ANKH: variants seen among roughly 807,000 people sequenced by gnomAD.
ANKH encodes ANKH inorganic pyrophosphate transport regulator, also known as mineralization regulator ANKH.
A neutral mutation model predicts 49.0 loss-of-function variants in ANKH; 15 were observed. The ratio of observed to expected loss-of-function variants is 0.31; its 90% confidence interval spans 0.20 to 0.47. The LOEUF (loss-of-function observed/expected upper bound fraction) is 0.47, where lower values mean the gene tolerates loss of function less well. ANKH is among the 20% of genes least tolerant of loss of function. The probability of loss-of-function intolerance (pLI) is 1.00; values close to 1 mark genes in which losing one functional copy is unlikely to be tolerated. For missense variants in ANKH, 429 were observed against 652.0 expected, an observed-to-expected ratio of 0.66 and a Z score of 3.72; for synonymous variants, 273 against 260.0, an observed-to-expected ratio of 1.05 and a Z score of -0.48.
chr5:14,729,272 C>T (rs1394690358), intron 8 of ANKH, among the ~76,000 whole-genome samples: 4 of 151,972 alleles, frequency 2.6e-5, no homozygotes, highest in Non-Finnish European at 4.4e-5. Context: ...AGGCTGGTCT[C>T]GAACTCCCGA....
At chr5:14,743,571 C>T (rs943525926) in intron 7 of ANKH, among the ~76,000 whole-genome samples, 2 of 152,184 alleles carry the variant, frequency 1.3e-5, no homozygotes, top group African/African-American at 4.8e-5. Context: ...AGCTAGAACT[C>T]CCGGAAGGTA....
intron 1 of ANKH, among the ~76,000 whole-genome samples, chr5:14,785,993 C>T (rs1053173560): frequency 3.4e-5 from 5 of 147,160 alleles, no homozygotes; most frequent in African/African-American, 1.3e-4. Flanking sequence ...TTGCAGTGAG[C>T]CGAGATCACG....
chr5:14,757,431 T>TA (rs1491137786), intron 3 of ANKH, among the ~76,000 whole-genome samples: 45,107 of 103,168 alleles, frequency 0.44, 8,948 homozygotes, highest in African/African-American at 0.56. Context: ...TATATATATA[T>TA]TTTTTTTTTT....
At chr5:14,792,119 C>T (rs1740188164) in intron 1 of ANKH, among the ~76,000 whole-genome samples, 1 of 152,136 alleles carries the variant, frequency 6.6e-6, no homozygotes, top group Non-Finnish European at 1.5e-5. Flanking sequence ...AGTGCCAGAG[C>T]TCAGCCTGCT....
chr5:14,750,010 C>G (rs775226667), intron 5 of ANKH, among the ~76,000 whole-genome samples: 1 of 152,144 alleles, frequency 6.6e-6, no homozygotes, highest in Non-Finnish European at 1.5e-5. Flanking sequence ...TTGCTGGTGG[C>G]TAAATGTTAA....
At chr5:14,808,428 T>G (rs758190183) in intron 1 of ANKH, among the ~76,000 whole-genome samples, 1 of 152,176 alleles carries the variant, frequency 6.6e-6, no homozygotes, top group African/African-American at 2.4e-5. Context: ...TCCTACTCAT[T>G]CTCATCACTT....
chr5:14,828,680 T>C (rs1314183439), intron 1 of ANKH, among the ~76,000 whole-genome samples: 2 of 152,106 alleles, frequency 1.3e-5, no homozygotes, highest in African/African-American at 4.8e-5. Context: ...TCTCACCACA[T>C]GGAAAATTTA....
intron 11 of ANKH, among the ~76,000 whole-genome samples, chr5:14,712,171 G>A (rs567372342): frequency 9.7e-4 from 148 of 152,332 alleles, no homozygotes; most frequent in African/African-American, 3.3e-3. Flanking sequence ...CCATGGCTGG[G>A]GAAGCCCAAC....
chr5:14,783,315 C>G (rs1739866897), intron 1 of ANKH, among the ~76,000 whole-genome samples: 1 of 151,758 alleles, frequency 6.6e-6, no homozygotes, highest in African/African-American at 2.4e-5. Context: ...CACACACACA[C>G]ACACACACAC....
At chr5:14,810,161 T>C (rs367871389) in intron 1 of ANKH, among the ~76,000 whole-genome samples, 1,713 of 63,856 alleles carry the variant, frequency 0.027, 35 homozygotes, top group African/African-American at 0.082. Context: ...AACGATTGAC[T>C]TTTTTTTTTT....
intron 1 of ANKH, among the ~76,000 whole-genome samples, chr5:14,824,534 C>A (rs529353701): frequency 6.6e-6 from 1 of 152,074 alleles, no homozygotes; most frequent in Non-Finnish European, 1.5e-5. Flanking sequence ...TCATAGAATG[C>A]GAATAGCTGT....
Position 14,755,908 on chromosome 5 carries a change from A to G in ANKH, c.469T>C (p.Tyr157His), listed in dbSNP as rs774418669. The change falls in exon 4 of 12, where the codon TAC (tyrosine) becomes CAC (histidine). Residue 157 changes from tyrosine to histidine, a missense_variant. Around this residue, in one of 2 missense-constraint regions of ANKH, gnomAD observed 378 missense variants for 615.3 expected, o/e 0.61. Transcript: ENST00000284268. Reference sequence around the variant, plus strand: ...GAGGCACATCCCACCAGGAAACTGTATTTGTGTTTTAAGAGAATGCCAGCA... The same window carrying G: ...GAGGCACATCCCACCAGGAAACTGTGTTTGTGTTTTAAGAGAATGCCAGCA... ...THAGILLKHK[Y>H]SFLVGCASIS... 2 of 1,614,126 alleles carry G rather than the reference A, an allele frequency of 1.2e-6. No homozygotes were observed. The highest frequency in any genetic ancestry group is 1.1e-5 in the South Asian group (1 of 91,084).
chr5:14,713,759 G>A lies in ANKH; in HGVS notation c.1142-92C>T, dbSNP rs576534687. On this transcript the variant is annotated intron_variant, in intron 9 of 11. Coordinates refer to ENST00000284268, the MANE Select transcript of ANKH (RefSeq NM_054027.6). This position sits in a 1 kb window ranked among gnomAD's most constrained non-coding sequence, Gnocchi z 4.4. ...ACCAGGGCAGCACATCCGAGAGCCA[G>A]GGGCTGCCTAGGACCCTGGCCTTGC... The A allele has an allele frequency of 2.8e-4, 448 of 1,584,020 alleles. No homozygotes were observed. The highest frequency in any genetic ancestry group is 3.6e-4 in the Non-Finnish European group (421 of 1,158,014).
intron 3 of ANKH, 93 bp downstream of exon 3, chr5:14,758,387 C>T (rs1185324954): frequency 6.0e-6 from 6 of 997,910 alleles, no homozygotes; most frequent in African/African-American, 1.6e-5. Flanking sequence ...AAGCTGTACA[C>T]ACAAAAATAG....
At chr5:14,795,540 T>A (rs1231132596) in intron 1 of ANKH, among the ~76,000 whole-genome samples, 1 of 152,098 alleles carries the variant, frequency 6.6e-6, no homozygotes, top group Non-Finnish European at 1.5e-5. Context: ...GAGAACTATA[T>A]AAAGGATGCT....
chr5:14,754,606 C>T (rs570352069), intron 4 of ANKH, among the ~76,000 whole-genome samples: 10 of 152,130 alleles, frequency 6.6e-5, no homozygotes, highest in Non-Finnish European at 1.0e-4. Context: ...CACACACACA[C>T]AGTTAGTAGA....
intron 1 of ANKH, among the ~76,000 whole-genome samples, chr5:14,810,077 T>C (rs1166498729): frequency 6.6e-6 from 1 of 151,988 alleles, no homozygotes; most frequent in Non-Finnish European, 1.5e-5. Context: ...TCTGCGTTTC[T>C]CTACAGGAGG....
At position 14,705,502 on chromosome 5, in the gene ANKH, A is replaced by T. The variant is rs1180828666; in HGVS notation, c.*5695T>A. The T allele has an allele frequency of 6.6e-6, 1 of 152,272 alleles. No homozygotes were observed. The highest frequency in any genetic ancestry group is 6.5e-5 in the Admixed American group (1 of 15,292). The allele number at this position is 152,272 out of a possible 1,614,324, so 9.4% of individuals were successfully genotyped here. A position where few individuals can be genotyped will look rare whatever the true frequency, so the allele number is the denominator to read the frequency against. ...AAGCGTGAGTGATATGGAAGCCTCCAGCTTGAATACACTTCTTAAATGAAT... is the reference window on the plus strand; with the variant it reads ...AAGCGTGAGTGATATGGAAGCCTCCTGCTTGAATACACTTCTTAAATGAAT... On this transcript the variant is annotated 3_prime_UTR_variant, in exon 12 of 12. Coordinates refer to ENST00000284268, the MANE Select transcript of ANKH (RefSeq NM_054027.6).
chr5:14,825,124 C>G (rs1449089495), intron 1 of ANKH, among the ~76,000 whole-genome samples: 2 of 152,090 alleles, frequency 1.3e-5, no homozygotes, highest in African/African-American at 2.4e-5. Flanking sequence ...GTGCTTTCCT[C>G]ATTCAGCTAC....
Sources: allele counts gnomAD v4.1 joint callset (sites outside exome capture counted in the v4.1 genomes callset), GRCh38; gene constraint gnomAD v4.1.1; regional missense constraint gnomAD v4.1.1; non-coding constraint Gnocchi (gnomAD v3.1); transcripts MANE v1.5; gene names NCBI Gene and HGNC (gene_info 2026-07-23, HGNC 2026-07-21).